Variants in ST18 observed in about 807,000 individuals in gnomAD.
ST18 encodes ST18 C2H2C-type zinc finger transcription factor.
A neutral mutation model predicts 110.0 loss-of-function variants in ST18; 50 were observed. The observed-to-expected ratio is 0.45, with a 90% CI of 0.36 to 0.58. ST18 has a LOEUF of 0.58. ST18 is among the 20% of genes least tolerant of loss of function. The pLI is 0.00. For missense variants in ST18, 1,306 were observed against 1,280.1 expected (o/e 1.02, Z -0.31); for synonymous variants, 461 against 452.4 (o/e 1.02, Z -0.24).
At chr8:52,267,310 G>A (rs73679003) in intron 2 of ST18, among the ~76,000 whole-genome samples, 5,836 of 151,792 alleles carry the variant, frequency 0.038, 388 homozygotes, top group African/African-American at 0.13. Context: ...GGCTGGAACC[G>A]TCCGGGAATA....
intron 2 of ST18, among the ~76,000 whole-genome samples, chr8:52,392,200 C>T (rs1839545300): frequency 6.6e-6 from 1 of 152,138 alleles, no homozygotes; most frequent in Admixed American, 6.5e-5. Flanking sequence ...TGAAGGAGAA[C>T]ATCTACATGA....
chr8:52,133,912 G>A (rs777940639), intron 19 of ST18, among the ~76,000 whole-genome samples: 5 of 151,860 alleles, frequency 3.3e-5, no homozygotes, highest in Non-Finnish European at 5.9e-5. Context: ...TGTATTTTTA[G>A]TAGAGACAGG....
chr8:52,341,081 C>T (rs1814755523), intron 2 of ST18, among the ~76,000 whole-genome samples: 1 of 152,118 alleles, frequency 6.6e-6, no homozygotes, highest in Non-Finnish European at 1.5e-5. Context: ...ACTGCAACCC[C>T]CCTAATCAAA....
chr8:52,324,017 C>T (rs1230012230), intron 2 of ST18, among the ~76,000 whole-genome samples: 2 of 152,328 alleles, frequency 1.3e-5, no homozygotes, highest in East Asian at 3.9e-4. Context: ...TTCATCTGCC[C>T]TCCAGGCTTC....
intron 2 of ST18, among the ~76,000 whole-genome samples, chr8:52,319,334 A>G (rs1802862912): frequency 6.6e-6 from 1 of 152,096 alleles, no homozygotes; most frequent in African/African-American, 2.4e-5. Flanking sequence ...CCTCTAAATC[A>G]TTATAGGTTT....
intron 2 of ST18, among the ~76,000 whole-genome samples, chr8:52,282,903 G>A (rs1012930458): frequency 3.9e-5 from 6 of 152,094 alleles, no homozygotes; most frequent in African/African-American, 1.4e-4. Context: ...AGAACGGAAG[G>A]GTTTGGGCAG....
intron 2 of ST18, among the ~76,000 whole-genome samples, chr8:52,233,144 G>A (rs903697507): frequency 6.6e-6 from 1 of 152,026 alleles, no homozygotes; most frequent in African/African-American, 2.4e-5. Flanking sequence ...AACCTTCTTG[G>A]TACAGAACAC....
rs1183080206 is a variant in ST18, at chr8:52,112,378, AAAAC to A, written c.*816_*819del. 3.3e-5 allele frequency: 5 copies of A among 152,764 alleles called. No individual in the cohort carries two copies. Among genetic ancestry groups the A allele is most frequent in the South Asian group, 4.1e-4 (2 of 4,828 alleles). 9.5% of individuals were successfully genotyped at this position (152,764 alleles called of 1,614,324 possible). A position where few individuals can be genotyped will look rare whatever the true frequency, so the allele number is the denominator to read the frequency against. On this transcript the variant is annotated 3_prime_UTR_variant, in exon 26 of 26. Transcript: ENST00000689386. Reference sequence around the variant, plus strand: ...TTGCCAACGATCTGATATGACTTGAAAAACAAACAGACAAATCTGCATCACTAAA... The same window carrying A: ...TTGCCAACGATCTGATATGACTTGAAAAACAGACAAATCTGCATCACTAAA...
rs549549972 is a variant in ST18, at chr8:52,243,553, G to A, written c.-464-13476C>T. Among the ~76,000 whole-genome samples, 3 of 152,256 alleles carry A rather than the reference G, an allele frequency of 2.0e-5. No homozygotes were observed. The South Asian group carries it at 6.2e-4, about 32-fold the overall frequency. ...AGATTTGGGCTCAATCTGGGTTCAAGGCTGGTGACATAAGGAAGGGCATCT... is the reference window on the plus strand; with the variant it reads ...AGATTTGGGCTCAATCTGGGTTCAAAGCTGGTGACATAAGGAAGGGCATCT... On this transcript the variant is annotated intron_variant, in intron 2 of 25. Coordinates refer to ENST00000689386, the MANE Select transcript of ST18 (RefSeq NM_001352837.2).
At chr8:52,285,110 C>T (rs1486164680) in intron 2 of ST18, among the ~76,000 whole-genome samples, 1 of 152,150 alleles carries the variant, frequency 6.6e-6, no homozygotes, top group Non-Finnish European at 1.5e-5. Context: ...CTGAGATTTT[C>T]CACAAGGACT....
chr8:52,396,057 C>T (rs1337644424), intron 2 of ST18, among the ~76,000 whole-genome samples: 6 of 151,916 alleles, frequency 3.9e-5, no homozygotes, highest in African/African-American at 1.4e-4. Context: ...AGGTTTACAA[C>T]GTGATATTAT....
At chr8:52,329,338 T>C (rs1432376457) in intron 2 of ST18, among the ~76,000 whole-genome samples, 2 of 151,642 alleles carry the variant, frequency 1.3e-5, no homozygotes, top group Non-Finnish European at 2.9e-5. Flanking sequence ...TTGGAAGATT[T>C]CTTACTTCCT....
At chr8:52,259,651 T>C (rs1386544945) in intron 2 of ST18, among the ~76,000 whole-genome samples, 1 of 152,188 alleles carries the variant, frequency 6.6e-6, no homozygotes, top group Non-Finnish European at 1.5e-5. Context: ...GTGCTTATAT[T>C]ATGCCATGCG....
chr8:52,208,842 A>AATAG (rs1554718330), intron 8 of ST18, among the ~76,000 whole-genome samples: 5 of 151,912 alleles, frequency 3.3e-5, no homozygotes, highest in Non-Finnish European at 7.4e-5. Context: ...TAAATAAATA[A>AATAG]ATAGATAAAT....
intron 23 of ST18, among the ~76,000 whole-genome samples, chr8:52,122,053 T>C (rs34782363): frequency 0.062 from 9,478 of 152,130 alleles, 901 homozygotes; most frequent in African/African-American, 0.2. Flanking sequence ...ACCATGTTGG[T>C]CAGGATGGTC....
intron 2 of ST18, among the ~76,000 whole-genome samples, chr8:52,352,917 T>C (rs901115016): frequency 6.6e-6 from 1 of 152,220 alleles, no homozygotes; most frequent in Non-Finnish European, 1.5e-5. Flanking sequence ...ATTCATTTTA[T>C]GGAAGGGTCA....
intron 2 of ST18, among the ~76,000 whole-genome samples, chr8:52,289,569 C>A (rs1015689703): frequency 1.3e-5 from 2 of 152,170 alleles, no homozygotes; most frequent in African/African-American, 4.8e-5. Context: ...ACCCCAGTGT[C>A]ATGAGGATTT....
intron 2 of ST18, among the ~76,000 whole-genome samples, chr8:52,325,258 C>T (rs953346213): frequency 1.3e-5 from 2 of 152,134 alleles, no homozygotes; most frequent in Admixed American, 6.5e-5. Context: ...AAATGCTTAA[C>T]GACTAATTTG....
intron 3 of ST18, among the ~76,000 whole-genome samples, chr8:52,224,110 T>C (rs991142531): frequency 1.3e-5 from 2 of 152,232 alleles, no homozygotes; most frequent in Non-Finnish European, 2.9e-5. Flanking sequence ...GAGCAGATTA[T>C]CCTTGCCTGA....
Sources: allele counts gnomAD v4.1 joint callset (sites outside exome capture counted in the v4.1 genomes callset), GRCh38; gene constraint gnomAD v4.1.1; transcripts MANE v1.5; gene names NCBI Gene and HGNC (gene_info 2026-07-23, HGNC 2026-07-21).